LCT: variants seen among roughly 807,000 people sequenced by gnomAD.
The protein encoded by LCT is lactase.
Under a neutral mutation model 173.0 loss-of-function variants are expected in LCT, and 90 were observed. The ratio of observed to expected loss-of-function variants is 0.52; its 90% CI spans 0.44 to 0.62. LCT has a LOEUF of 0.62. Ranked by LOEUF, LCT falls within the 20% of genes least tolerant of loss-of-function variation. The pLI is 0.00. For missense variants in LCT, 1,864 were observed against 2,431.4 expected (o/e 0.77, Z 4.91); for synonymous variants, 853 against 957.6 (o/e 0.89, Z 2.02).
chr2:135,828,068 A>T (rs1437935311), intron 3 of LCT, among the ~76,000 whole-genome samples: 1 of 152,110 alleles, frequency 6.6e-6, no homozygotes, highest in Admixed American at 6.5e-5. Flanking sequence ...CTCTGTCACC[A>T]GGCTGGAGTG....
intron 13 of LCT, among the ~76,000 whole-genome samples, chr2:135,796,535 G>A (rs1433798543): frequency 4.6e-5 from 7 of 152,152 alleles, no homozygotes; most frequent in South Asian, 2.1e-4. Context: ...ACTCTGCCCC[G>A]TGGAAAGAAT....
At position 135,833,130 on chromosome 2, in the gene LCT, G is replaced by A. The variant is rs758393353; in HGVS notation, c.701C>T (p.Pro234Leu). 1.9e-6 allele frequency: 3 copies of A among 1,613,854 alleles called. No individual in the cohort carries two copies. Among genetic ancestry groups the A allele is most frequent in the Admixed American group, 3.3e-5 (2 of 60,000 alleles). Residue 234 changes from proline (P) to leucine (L), a missense_variant, in exon 2 of 17, where the codon CCC (proline) becomes CTC (leucine). By Grantham distance (98) the Pro-to-Leu change is moderately conservative. Transcript: ENST00000264162. ...EDIPELLLEP[P>L]ISALAQDTVD... ...TGTCACCTGGGCAAGCGCAGATATGGGTGGTTCTAGCAGGAGCTCCGGGAT... is the reference window on the plus strand; with the variant it reads ...TGTCACCTGGGCAAGCGCAGATATGAGTGGTTCTAGCAGGAGCTCCGGGAT...
At chr2:135,823,857 G>T in intron 4 of LCT, 44 bp downstream of exon 4, 2 of 1,268,884 alleles carry the variant, frequency 1.6e-6, no homozygotes, top group Non-Finnish European at 2.3e-6. Context: ...GCACACCAGT[G>T]CACCAGATGT....
Position 135,788,420 on chromosome 2 carries a change from A to T in LCT, c.5688T>A (p.Cys1896Ter). 6.2e-7 allele frequency: 1 copy of T among 1,614,152 alleles called. No individual in the cohort carries two copies. Among genetic ancestry groups the T allele is most frequent in the Non-Finnish European group, 8.5e-7 (1 of 1,179,992 alleles). ...VLFSLVLLGV[C>*]GLAFLSYKYC... ...ACTTGTATGACAGAAATGCCAAGCC[A>T]CAGACTCCAAGAAGCACAAGAGAAA... is the stretch of plus-strand genomic sequence containing the variant. The change falls in exon 17 of 17, where the codon TGT (cysteine) becomes TGA (stop). Residue 1896 changes from cysteine to a stop codon, truncating the protein, a stop_gained. Coordinates refer to ENST00000264162, the MANE Select transcript of LCT (RefSeq NM_002299.4). LOFTEE classifies it high-confidence loss of function.
intron 6 of LCT, among the ~76,000 whole-genome samples, chr2:135,816,820 T>C (rs1290563480): frequency 6.6e-6 from 1 of 152,242 alleles, no homozygotes; most frequent in Non-Finnish European, 1.5e-5. Flanking sequence ...TAATAACTAT[T>C]ATATTTTAAA....
At position 135,836,861 on chromosome 2, in the gene LCT, C is replaced by T; in HGVS notation, c.309G>A (p.Gln103=). The T allele has an allele frequency of 6.2e-7, 1 of 1,614,142 alleles. No homozygotes were observed. Among genetic ancestry groups the T allele is most frequent in the South Asian group, 1.1e-5 (1 of 91,076 alleles). The change falls in exon 1 of 17, where the codon CAG becomes CAA. Residue 103 remains glutamine, a synonymous_variant. Transcript: ENST00000264162. ...WAQLLPAGST[Q]NPDEKTVQCY... ...ACTGCACTGTTTTCTCGTCTGGATT[C>T]TGGGTGCTTCCTGCTGGGAGGAGCT...
At chr2:135,829,571 T>C (rs771740276) in intron 3 of LCT, 22 bp downstream of exon 3, 2 of 1,573,314 alleles carry the variant, frequency 1.3e-6, no homozygotes, top group East Asian at 2.2e-5. Flanking sequence ...TCATCATTAA[T>C]GTGGAAAAGG....
rs1358982840 is a variant in LCT, at chr2:135,809,812, G to A, written c.2535C>T (p.Asn845=). The A allele has an allele frequency of 6.8e-6, 11 of 1,614,022 alleles. No homozygotes were observed. Among genetic ancestry groups the A allele is most frequent in the East Asian group, 6.7e-5 (3 of 44,894 alleles). ...AYFFTSIIEK[N]GFLTKGAKRL... ...TTTTTGCCCCCTTGGTGAGGAAACC[G>A]TTCTTTTCTATGATGCTAGTGAAAA... Residue 845 remains asparagine (N), a synonymous_variant, in exon 8 of 17, where the codon AAC becomes AAT. Transcript: ENST00000264162. The surrounding 1 kb of genome is among the most constrained non-coding windows in gnomAD (Gnocchi z 5.5).
At chr2:135,793,494 T>G (rs2077550365) in intron 14 of LCT, among the ~76,000 whole-genome samples, 1 of 152,156 alleles carries the variant, frequency 6.6e-6, no homozygotes, top group African/African-American at 2.4e-5. Context: ...TCTAGATCTT[T>G]CCACTGAAAC....
intron 9 of LCT, among the ~76,000 whole-genome samples, chr2:135,805,327 G>C (rs2077662469): frequency 6.6e-6 from 1 of 152,086 alleles, no homozygotes; most frequent in Non-Finnish European, 1.5e-5. Context: ...GCCAAGTGTG[G>C]TTACCTCCTC....
intron 14 of LCT, 147 bp from the exon 15 acceptor site, chr2:135,791,028 G>A (rs1327714435): frequency 1.4e-6 from 1 of 713,224 alleles, no homozygotes; most frequent in Non-Finnish European, 2.5e-6. Flanking sequence ...GAATCAAATT[G>A]CCTCAAATTC....
At chr2:135,821,378 T>C (rs1368681796) in intron 5 of LCT, among the ~76,000 whole-genome samples, 2 of 152,188 alleles carry the variant, frequency 1.3e-5, no homozygotes, top group African/African-American at 4.8e-5. Context: ...ACCCTTCATA[T>C]TGAGGAAATG....
chr2:135,801,299 C>T (rs1425873419), intron 11 of LCT, among the ~76,000 whole-genome samples: 1 of 152,172 alleles, frequency 6.6e-6, no homozygotes, highest in Non-Finnish European at 1.5e-5. Flanking sequence ...CAGCCCAGCT[C>T]TGTTAGCTAC....
intron 14 of LCT, chr2:135,794,359 G>GA: frequency 2.6e-6 from 1 of 383,596 alleles, no homozygotes; most frequent in Non-Finnish European, 4.7e-6. Context: ...AGCAGCCTGT[G>GA]AAAAAGAACG....
intron 4 of LCT, chr2:135,822,383 G>T (rs1027703304): frequency 4.8e-6 from 2 of 418,378 alleles, no homozygotes; most frequent in South Asian, 2.2e-5. Flanking sequence ...TGATGCAGTA[G>T]GTCTCAAGTA....
rs754495130 is a variant in LCT, at chr2:135,808,939, G to GA, written c.3407dup (p.Arg1138GlnfsTer7). 2.5e-6 allele frequency: 4 copies of GA among 1,614,050 alleles called. No individual in the cohort carries two copies. Among genetic ancestry groups the GA allele is most frequent in the Non-Finnish European group, 3.4e-6 (4 of 1,180,004 alleles). On this transcript the variant is annotated frameshift_variant, in exon 8 of 17. Coordinates refer to ENST00000264162, the MANE Select transcript of LCT (RefSeq NM_002299.4). LOFTEE classifies it high-confidence loss of function. Reference sequence around the variant, plus strand: ...GGTCAGCGGCTTCCACATCTCTGGGGACCCCTGGTGACTTGGGCTCTGCCC... The same window carrying GA: ...GGTCAGCGGCTTCCACATCTCTGGGGAACCCCTGGTGACTTGGGCTCTGCCC...
intron 6 of LCT, among the ~76,000 whole-genome samples, chr2:135,815,580 AT>A (rs776449379): frequency 2.0e-5 from 3 of 152,132 alleles, no homozygotes; most frequent in Non-Finnish European, 2.9e-5. Flanking sequence ...GAGTTCTGTA[AT>A]TTTGCTACGT....
Position 135,818,017 on chromosome 2 carries a change from T to C in LCT, c.1031A>G (p.Gln344Arg). Residue 344 changes from glutamine (Q) to arginine (R), a missense_variant, in exon 6 of 17, where the codon CAG becomes CGG. This residue lies in a region of LCT where 412 missense variants were observed against 462.0 expected (regional missense o/e 0.89). Transcript: ENST00000264162. Reference sequence around the variant, plus strand: ...GTCCGTGGTCTCGTGGTCCTGCTGCTGGTCAGGCTGAAGGGCCAGGCTGCC... The same window carrying C: ...GTCCGTGGTCTCGTGGTCCTGCTGCCGGTCAGGCTGAAGGGCCAGGCTGCC... ...LTGSLALQPD[Q>R]QQDHETTDSS... 2 of 1,613,406 alleles carry C rather than the reference T, an allele frequency of 1.2e-6. No homozygotes were observed. The highest frequency in any genetic ancestry group is 1.3e-5 in the African/African-American group (1 of 75,040).
At chr2:135,801,854 G>A (rs144905877) in intron 11 of LCT, among the ~76,000 whole-genome samples, 271 of 152,148 alleles carry the variant, frequency 1.8e-3, no homozygotes, top group African/African-American at 6.1e-3. Flanking sequence ...GATTACAGGC[G>A]TGAGATACCA....
Sources: allele counts gnomAD v4.1 joint callset (sites outside exome capture counted in the v4.1 genomes callset), GRCh38; gene constraint gnomAD v4.1.1; regional missense constraint gnomAD v4.1.1; non-coding constraint Gnocchi (gnomAD v3.1); transcripts MANE v1.5; gene names NCBI Gene and HGNC (gene_info 2026-07-23, HGNC 2026-07-21).